Variants in SPECC1L observed in about 807,000 individuals in gnomAD.
SPECC1L encodes the protein sperm antigen with calponin homology and coiled-coil domains 1 like, also known as cytospin-A.
In SPECC1L, 40 loss-of-function variants were observed where a neutral mutation model predicts 116.8. That is an observed-to-expected ratio of 0.34 (90% CI 0.27 to 0.45). The LOEUF is 0.45. SPECC1L is among the 20% of genes least tolerant of loss of function. SPECC1L has a pLI of 1.00. For synonymous variants in SPECC1L, 504 were observed against 500.6 expected (o/e 1.01, Z -0.09); for missense variants, 1,110 against 1,373.6 (o/e 0.81, Z 3.03).
intron 10 of SPECC1L, among the ~76,000 whole-genome samples, chr22:24,339,664 A>G (rs1283860288): frequency 6.6e-6 from 1 of 152,196 alleles, no homozygotes; most frequent in Non-Finnish European, 1.5e-5. Flanking sequence ...CCCTAAAATA[A>G]TGGTGTTGGG....
intron 14 of SPECC1L, among the ~76,000 whole-genome samples, chr22:24,393,180 G>A (rs2042303926): frequency 1.3e-5 from 2 of 152,234 alleles, no homozygotes; most frequent in African/African-American, 2.4e-5. Flanking sequence ...TACTGCTGTG[G>A]TCATTTTTGG....
chr22:24,367,542 A>G (rs186993632), intron 13 of SPECC1L, among the ~76,000 whole-genome samples: 1 of 152,216 alleles, frequency 6.6e-6, no homozygotes, highest in Admixed American at 6.5e-5. Context: ...AAAAGATTGG[A>G]CGTCCCTGCT....
intron 4 of SPECC1L, among the ~76,000 whole-genome samples, chr22:24,318,142 C>T (rs1215134196): frequency 2.0e-5 from 3 of 152,100 alleles, no homozygotes; most frequent in African/African-American, 7.3e-5. Flanking sequence ...AGGCTGCAAT[C>T]TCGGCACTTT....
At chr22:24,338,181 G>A (rs548713377) in intron 9 of SPECC1L, among the ~76,000 whole-genome samples, 1 of 152,292 alleles carries the variant, frequency 6.6e-6, no homozygotes, top group East Asian at 1.9e-4. Flanking sequence ...CTACTCTACA[G>A]ATGCAAATAA....
At chr22:24,367,274 A>G (rs1279634436) in intron 13 of SPECC1L, among the ~76,000 whole-genome samples, 1 of 152,204 alleles carries the variant, frequency 6.6e-6, no homozygotes, top group Non-Finnish European at 1.5e-5. Flanking sequence ...ATCCATTCAC[A>G]TAACTGTGTC....
At chr22:24,312,198 C>T (rs1220594854) in intron 3 of SPECC1L, among the ~76,000 whole-genome samples, 1 of 152,126 alleles carries the variant, frequency 6.6e-6, no homozygotes, top group Non-Finnish European at 1.5e-5. Context: ...GTGTTGAACT[C>T]CTGGGCTCAA....
intron 15 of SPECC1L, chr22:24,412,330 T>G: frequency 2.3e-6 from 1 of 444,050 alleles, no homozygotes. Flanking sequence ...GCTCATTTGA[T>G]GAGTGTTCCT....
chr22:24,403,344 C>T (rs1320000513), intron 14 of SPECC1L, among the ~76,000 whole-genome samples: 2 of 152,086 alleles, frequency 1.3e-5, no homozygotes, highest in East Asian at 1.9e-4. Context: ...CTGAATTCAT[C>T]GGTAAGAAAC....
At chr22:24,331,932 G>T (rs1343409092) in intron 8 of SPECC1L, among the ~76,000 whole-genome samples, 1 of 152,062 alleles carries the variant, frequency 6.6e-6, no homozygotes, top group Non-Finnish European at 1.5e-5. Flanking sequence ...AGCATTTTGT[G>T]TGACAAAATG....
intron 1 of SPECC1L, among the ~76,000 whole-genome samples, chr22:24,272,330 A>AC (rs2048743857): frequency 6.6e-6 from 1 of 151,974 alleles, no homozygotes; most frequent in Non-Finnish European, 1.5e-5. Flanking sequence ...GCGCCACTGT[A>AC]CCCCAGCCTG....
At chr22:24,372,694 G>C (rs28859959) in intron 14 of SPECC1L, among the ~76,000 whole-genome samples, 3,790 of 151,030 alleles carry the variant, frequency 0.025, 152 homozygotes, top group South Asian at 0.12. Flanking sequence ...AACTGGAAGC[G>C]TTCCCTTTGA....
intron 14 of SPECC1L, among the ~76,000 whole-genome samples, chr22:24,400,949 C>A (rs9637319): frequency 6.6e-6 from 1 of 152,084 alleles, no homozygotes; most frequent in Non-Finnish European, 1.5e-5. Context: ...TTTGTTTGTT[C>A]TTAATGGAAA....
intron 14 of SPECC1L, among the ~76,000 whole-genome samples, chr22:24,383,792 A>AATTTTTTTT (rs2042105646): frequency 1.3e-5 from 1 of 77,338 alleles, no homozygotes. Flanking sequence ...ACCCACCACT[A>AATTTTTTTT]TTTTTTTTTT....
At chr22:24,355,016 C>T in intron 11 of SPECC1L, among the ~76,000 whole-genome samples, 1 of 150,904 alleles carries the variant, frequency 6.6e-6, no homozygotes, top group East Asian at 2.0e-4. Context: ...CGCAGTGGCT[C>T]ATGCCTGTAA....
intron 8 of SPECC1L, among the ~76,000 whole-genome samples, chr22:24,332,503 C>T (rs1462620454): frequency 6.6e-6 from 1 of 152,142 alleles, no homozygotes; most frequent in Non-Finnish European, 1.5e-5. Context: ...CATTTTAGTG[C>T]AGTTATCAAA....
chr22:24,322,854 G>T lies in SPECC1L; in HGVS notation c.1874G>T (p.Ser625Ile). 1 of 1,613,188 alleles carries T rather than the reference G, an allele frequency of 6.2e-7. No homozygotes were observed. The highest frequency in any genetic ancestry group is 1.7e-4 in the Middle Eastern group (1 of 6,052). ...DKEKAETLAS[S>I]LQEDLAHTRN... is the part of the protein sequence containing the mutation. ...GAAAAAGCAGAGACTTTGGCTAGTA[G>T]CTTGCAGGAAGATCTGGCTCATACC... is the stretch of plus-strand genomic sequence containing the variant. Residue 625 changes from serine to isoleucine, a missense_variant, in exon 5 of 17, where the codon AGC becomes ATC. By Grantham distance (142) the Ser-to-Ile change is moderately radical. Transcript: ENST00000314328.
intron 14 of SPECC1L, among the ~76,000 whole-genome samples, chr22:24,388,777 CAG>C (rs2042211710): frequency 8.5e-6 from 1 of 117,048 alleles, no homozygotes; most frequent in African/African-American, 3.3e-5. Flanking sequence ...GGGCCTACCA[CAG>C]ATATCTTATA....
At chr22:24,317,345 G>T (rs1172850230) in intron 4 of SPECC1L, among the ~76,000 whole-genome samples, 11 of 118,564 alleles carry the variant, frequency 9.3e-5, no homozygotes, top group East Asian at 2.8e-4. Context: ...GGACGGGGCG[G>T]CTGGCCGGGC....
intron 14 of SPECC1L, among the ~76,000 whole-genome samples, chr22:24,387,606 C>T (rs2042185373): frequency 6.6e-6 from 1 of 152,148 alleles, no homozygotes; most frequent in African/African-American, 2.4e-5. Flanking sequence ...TTTTATGTCA[C>T]ATGTTTCTGA....
Sources: allele counts gnomAD v4.1 joint callset (sites outside exome capture counted in the v4.1 genomes callset), GRCh38; gene constraint gnomAD v4.1.1; transcripts MANE v1.5; gene names NCBI Gene and HGNC (gene_info 2026-07-23, HGNC 2026-07-21).